The following BEND7 variants were observed in gnomAD, a reference collection of about 807,000 sequenced individuals.
The protein encoded by BEND7 is BEN domain containing 7.
In BEND7, 28 loss-of-function variants were observed where a neutral mutation model predicts 50.9. The ratio of observed to expected loss-of-function variants is 0.55; its 90% CI spans 0.41 to 0.75. The LOEUF is 0.75. Ranked by LOEUF, BEND7 falls within the 30% of genes least tolerant of loss-of-function variation. The pLI, the probability that BEND7 is intolerant of heterozygous loss-of-function variation, is 0.00. For synonymous variants in BEND7, 170 were observed against 183.9 expected (o/e 0.92, Z 0.61); for missense variants, 477 against 491.3 (o/e 0.97, Z 0.28).
intron 2 of BEND7, among the ~76,000 whole-genome samples, chr10:13,514,644 C>G (rs1215567934): frequency 4.6e-5 from 7 of 152,176 alleles, no homozygotes; most frequent in Non-Finnish European, 1.0e-4. Flanking sequence ...GGATCTCCCT[C>G]CCAGCGGAGA....
intron 5 of BEND7, among the ~76,000 whole-genome samples, chr10:13,485,034 G>C (rs1015423013): frequency 2.0e-5 from 3 of 152,112 alleles, no homozygotes; most frequent in Non-Finnish European, 2.9e-5. Context: ...GAAGTAGCTG[G>C]GGTTAAGATC....
intron 6 of BEND7, among the ~76,000 whole-genome samples, chr10:13,457,768 G>A (rs1052072701): frequency 5.3e-5 from 8 of 152,210 alleles, no homozygotes; most frequent in African/African-American, 9.6e-5. Flanking sequence ...ATAGCTAAAG[G>A]TCAAGCTATT....
At chr10:13,452,777 GAT>G in intron 6 of BEND7, 119 bp from the exon 7 acceptor site, 2 of 896,532 alleles carry the variant, frequency 2.2e-6, no homozygotes, top group Non-Finnish European at 3.2e-6. Flanking sequence ...AGTTCTGCAC[GAT>G]ATGTCTTCGG....
At chr10:13,444,664 T>C (rs1197655364) in intron 8 of BEND7, 3 of 152,108 alleles carry the variant, frequency 2.0e-5, no homozygotes, top group African/African-American at 7.2e-5. Context: ...AGGGCACATG[T>C]GAGGAGGGGT....
chr10:13,454,094 A>G (rs1838386325), intron 6 of BEND7, among the ~76,000 whole-genome samples: 1 of 152,188 alleles, frequency 6.6e-6, no homozygotes. Flanking sequence ...AGCCGGAGCT[A>G]GTGACGCGTC....
At chr10:13,491,771 G>T (rs1238350312) in intron 5 of BEND7, among the ~76,000 whole-genome samples, 2 of 152,062 alleles carry the variant, frequency 1.3e-5, no homozygotes, top group Non-Finnish European at 2.9e-5. Context: ...CCTACTTAAA[G>T]TTTAAAAGGT....
At chr10:13,524,431 T>A (rs1277916641) in intron 2 of BEND7, among the ~76,000 whole-genome samples, 1 of 151,846 alleles carries the variant, frequency 6.6e-6, no homozygotes, top group Non-Finnish European at 1.5e-5. Flanking sequence ...TCACCTGAGG[T>A]CAGGAGTTTG....
intron 3 of BEND7, among the ~76,000 whole-genome samples, chr10:13,497,432 G>A (rs1179736426): frequency 6.6e-6 from 1 of 152,340 alleles, no homozygotes; most frequent in African/African-American, 2.4e-5. Flanking sequence ...GGCGTTTGGG[G>A]TGGGGAAGCA....
intron 6 of BEND7, among the ~76,000 whole-genome samples, chr10:13,462,751 GAGT>G (rs1414957172): frequency 6.6e-6 from 1 of 152,188 alleles, no homozygotes; most frequent in Non-Finnish European, 1.5e-5. Context: ...AGGAAAGAGA[GAGT>G]AGATGAAAAG....
At chr10:13,447,615 C>T (rs1836684461) in intron 7 of BEND7, among the ~76,000 whole-genome samples, 1 of 138,330 alleles carries the variant, frequency 7.2e-6, no homozygotes, top group East Asian at 2.1e-4. Context: ...GCGATCTCGG[C>T]TCACTACAAG....
chr10:13,467,468 T>C (rs1218538380), intron 6 of BEND7, among the ~76,000 whole-genome samples: 2 of 152,228 alleles, frequency 1.3e-5, no homozygotes, highest in African/African-American at 2.4e-5. Flanking sequence ...TACTACACTT[T>C]CCATGTGGCA....
intron 2 of BEND7, among the ~76,000 whole-genome samples, chr10:13,519,808 G>C (rs548783746): frequency 6.6e-6 from 1 of 152,216 alleles, no homozygotes; most frequent in Non-Finnish European, 1.5e-5. Flanking sequence ...TTTAAAAACC[G>C]ATAGGAGAGA....
chr10:13,517,246 A>AT (rs34167765), intron 2 of BEND7, among the ~76,000 whole-genome samples: 238 of 147,000 alleles, frequency 1.6e-3, no homozygotes, highest in Non-Finnish European at 2.3e-3. Flanking sequence ...TTTTTGTAGA[A>AT]TTTTTTTTTT....
At chr10:13,528,039 A>G (rs540980882) in intron 1 of BEND7, among the ~76,000 whole-genome samples, 1 of 152,238 alleles carries the variant, frequency 6.6e-6, no homozygotes, top group South Asian at 2.1e-4. Context: ...TCCTTCTTAA[A>G]AAGAACAACA....
At chr10:13,459,906 C>A (rs1001247040) in intron 6 of BEND7, 2 of 152,198 alleles carry the variant, frequency 1.3e-5, no homozygotes, top group African/African-American at 4.8e-5. Flanking sequence ...GGAAACTGCC[C>A]ACTTCTCGCC....
intron 7 of BEND7, among the ~76,000 whole-genome samples, chr10:13,448,075 G>A (rs1308550096): frequency 2.6e-5 from 4 of 152,180 alleles, no homozygotes; most frequent in Non-Finnish European, 5.9e-5. Context: ...ACGTGGTCAT[G>A]AAGAAGGAAT....
intron 6 of BEND7, among the ~76,000 whole-genome samples, chr10:13,472,359 T>TA (rs2074948844): frequency 6.6e-6 from 1 of 152,014 alleles, no homozygotes; most frequent in Admixed American, 6.6e-5. Context: ...TCATTGCTGT[T>TA]AGACTCAGGG....
intron 3 of BEND7, among the ~76,000 whole-genome samples, chr10:13,497,517 T>G (rs2077111177): frequency 6.6e-6 from 1 of 152,198 alleles, no homozygotes; most frequent in South Asian, 2.1e-4. Flanking sequence ...TGGCTTTTCT[T>G]CAGCTTCACA....
intron 8 of BEND7, 51 bp from the exon 9 acceptor site, chr10:13,441,801 G>A (rs201379074): frequency 1.5e-5 from 24 of 1,566,006 alleles, no homozygotes; most frequent in Non-Finnish European, 2.1e-5. Flanking sequence ...TTACTGGCCA[G>A]AAATGGAAAA....
Sources: gnomAD v4.1 joint callset for allele counts (sites outside exome capture counted in the v4.1 genomes callset) on GRCh38, gnomAD v4.1.1 for gene constraint, MANE v1.5 for transcripts, NCBI Gene and HGNC (gene_info 2026-07-23, HGNC 2026-07-21) for gene names.